LYPLAL1: variants seen among roughly 807,000 people sequenced by gnomAD.
The protein encoded by LYPLAL1 is lysophospholipase-like protein 1.
A neutral mutation model predicts 19.7 loss-of-function variants in LYPLAL1; 23 were observed. That is an observed-to-expected ratio of 1.17 (90% confidence interval 0.84 to 1.65). LYPLAL1 has a LOEUF of 1.65. Among genes scored for constraint, LYPLAL1 ranks in the 40% most tolerant of loss-of-function variants. LYPLAL1 has a pLI of 0.00. For synonymous variants in LYPLAL1, 119 were observed against 96.3 expected, an observed-to-expected ratio of 1.24 and a Z score of -1.38; for missense variants, 355 against 279.4, an observed-to-expected ratio of 1.27 and a Z score of -1.93.
the LYPLAL1 span, chr1:219,272,609 A>G: frequency 6.6e-6 from 1 of 152,092 alleles, no homozygotes; most frequent in East Asian, 1.9e-4. Context: ...CATCTTTACT[A>G]AAAACAAAAC....
At chr1:219,339,000 C>T in the LYPLAL1 span, among the ~76,000 whole-genome samples, 1 of 151,874 alleles carries the variant, frequency 6.6e-6, no homozygotes, top group Admixed American at 6.6e-5. Flanking sequence ...TGTGTATTTA[C>T]TCAGCGGTCA....
chr1:219,267,357 TAAC>T, the LYPLAL1 span, among the ~76,000 whole-genome samples: 1 of 152,058 alleles, frequency 6.6e-6, no homozygotes, highest in Non-Finnish European at 1.5e-5. Flanking sequence ...CCAAAGTCAA[TAAC>T]AACAACAAAA....
At chr1:219,194,352 T>TAGAATTCCA (rs1337047395) in intron 3 of LYPLAL1, among the ~76,000 whole-genome samples, 1 of 151,680 alleles carries the variant, frequency 6.6e-6, no homozygotes, top group African/African-American at 2.4e-5. Context: ...AGTTAGAAGA[T>TAGAATTCCA]AGAATTCCAA....
chr1:219,194,685 A>G (rs1263162122), intron 3 of LYPLAL1, among the ~76,000 whole-genome samples: 1 of 152,038 alleles, frequency 6.6e-6, no homozygotes, highest in Admixed American at 6.6e-5. Context: ...CAGGAAATCT[A>G]TAACAAATAA....
the LYPLAL1 span, among the ~76,000 whole-genome samples, chr1:219,338,987 A>G: frequency 3.9e-5 from 6 of 151,984 alleles, no homozygotes; most frequent in African/African-American, 7.2e-5. Context: ...GTGTAAATAT[A>G]TATGTGTATT....
the LYPLAL1 span, among the ~76,000 whole-genome samples, chr1:219,308,138 G>A: frequency 6.6e-6 from 1 of 152,178 alleles, no homozygotes; most frequent in African/African-American, 2.4e-5. Context: ...GTTTAATGAA[G>A]AGACTGGTGG....
chr1:219,254,976 T>A, the LYPLAL1 span, among the ~76,000 whole-genome samples: 9 of 152,022 alleles, frequency 5.9e-5, no homozygotes, highest in Non-Finnish European at 1.3e-4. Context: ...CATTCTTTTT[T>A]ATTTATTTTT....
the LYPLAL1 span, among the ~76,000 whole-genome samples, chr1:219,225,063 T>TA: frequency 2.6e-5 from 4 of 152,134 alleles, no homozygotes; most frequent in African/African-American, 9.7e-5. Context: ...TTGACTCTAT[T>TA]GTTTCTTTTT....
the LYPLAL1 span, among the ~76,000 whole-genome samples, chr1:219,342,497 T>C: frequency 6.6e-6 from 1 of 152,140 alleles, no homozygotes; most frequent in African/African-American, 2.4e-5. Flanking sequence ...GCTGTTGTTA[T>C]GAGCAACAAA....
At chr1:219,200,202 C>A in intron 3 of LYPLAL1, 1 of 258,180 alleles carries the variant, frequency 3.9e-6, no homozygotes, top group Non-Finnish European at 7.8e-6. Flanking sequence ...TGGCTTAGAT[C>A]AGCCAAATAA....
chr1:219,302,798 A>C, the LYPLAL1 span, among the ~76,000 whole-genome samples: 1 of 151,794 alleles, frequency 6.6e-6, no homozygotes, highest in East Asian at 1.9e-4. Flanking sequence ...TCTATTCTTG[A>C]TGTTTTTCTC....
the LYPLAL1 span, among the ~76,000 whole-genome samples, chr1:219,324,455 G>A: frequency 6.6e-6 from 1 of 152,264 alleles, no homozygotes; most frequent in Admixed American, 6.5e-5. Flanking sequence ...ACAAAAGGTA[G>A]TGACTCGGCC....
chr1:219,216,225 T>TAAA (rs890069160), downstream of LYPLAL1, among the ~76,000 whole-genome samples: 59 of 152,244 alleles, frequency 3.9e-4, no homozygotes, highest in African/African-American at 1.4e-3. Context: ...GAGTCTATCA[T>TAAA]TTTTGAGTTT....
the LYPLAL1 span, among the ~76,000 whole-genome samples, chr1:219,237,346 A>T: frequency 2.6e-5 from 4 of 152,242 alleles, no homozygotes; most frequent in Admixed American, 2.0e-4. Context: ...TGTGGATTAT[A>T]TATTAACCAA....
chr1:219,193,190 G>A lies in LYPLAL1; in HGVS notation c.300G>A (p.Val100=), dbSNP rs1366430804. The A allele has an allele frequency of 3.7e-6, 6 of 1,610,460 alleles. No homozygotes were observed. The African/African-American group carries it at 8.0e-5, about 22-fold the overall frequency. The change falls in exon 3 of 5, where the codon GTG becomes GTA. Residue 100 remains valine, a synonymous_variant. Transcript: ENST00000366928. ...HLESIDVMCQ[V]LTDLIDEEVK... is the part of the protein sequence containing the mutation. ...AATCAATTGATGTCATGTGTCAAGT[G>A]CTTACTGATTTGATTGATGAAGAAG... is the stretch of plus-strand genomic sequence containing the variant.
chr1:219,229,325 G>GAGAGAGAGAGAGAGAC, the LYPLAL1 span, among the ~76,000 whole-genome samples: 146 of 107,708 alleles, frequency 1.4e-3, no homozygotes, highest in Middle Eastern at 9.3e-3. Flanking sequence ...GAGAGAGAGA[G>GAGAGAGAGAGAGAGAC]AGAGAGAGAG....
the LYPLAL1 span, among the ~76,000 whole-genome samples, chr1:219,233,581 A>C: frequency 6.6e-6 from 1 of 152,128 alleles, no homozygotes; most frequent in African/African-American, 2.4e-5. Flanking sequence ...CAACTTGGGC[A>C]ACATAGGGAG....
chr1:219,418,725 G>C, the LYPLAL1 span, among the ~76,000 whole-genome samples: 23 of 152,290 alleles, frequency 1.5e-4, 1 homozygote, highest in Admixed American at 1.2e-3. Flanking sequence ...AATGTTTAAT[G>C]CCATGCATCT....
the LYPLAL1 span, among the ~76,000 whole-genome samples, chr1:219,293,472 A>C: frequency 1.3e-5 from 2 of 151,766 alleles, no homozygotes; most frequent in African/African-American, 2.4e-5. Context: ...CCCTCCCCCA[A>C]CTTGGCAATT....
Sources: allele counts gnomAD v4.1 joint callset (sites outside exome capture counted in the v4.1 genomes callset), GRCh38; gene constraint gnomAD v4.1.1; transcripts MANE v1.5; gene names NCBI Gene and HGNC (gene_info 2026-07-23, HGNC 2026-07-21).